SLC4A4: variants seen among roughly 807,000 people sequenced by gnomAD.
SLC4A4 encodes the protein electrogenic sodium bicarbonate cotransporter 1.
In SLC4A4, 27 loss-of-function variants were observed where a neutral mutation model predicts 111.5. The ratio of observed to expected loss-of-function variants is 0.24; its 90% CI spans 0.18 to 0.33. The LOEUF (loss-of-function observed/expected upper bound fraction) is 0.33. SLC4A4 is among the 10% of genes least tolerant of loss of function. The pLI is 1.00. For missense variants in SLC4A4, 909 were observed against 1,315.5 expected (o/e 0.69, Z 4.78); for synonymous variants, 443 against 463.4 (o/e 0.96, Z 0.57).
chr4:71,147,739 G>A (rs1411184980), intron 2 of SLC4A4, among the ~76,000 whole-genome samples: 2 of 152,088 alleles, frequency 1.3e-5, no homozygotes, highest in Non-Finnish European at 2.9e-5. Flanking sequence ...GTCTTTCTGA[G>A]GAGGGGTCCT....
At chr4:71,367,751 A>G (rs1397841752) in intron 6 of SLC4A4, among the ~76,000 whole-genome samples, 5 of 152,244 alleles carry the variant, frequency 3.3e-5, no homozygotes, top group Non-Finnish European at 5.9e-5. Flanking sequence ...GTGCTGGCAC[A>G]GATGGCCTGC....
At chr4:71,196,259 T>A (rs1032541939) in intron 1 of SLC4A4, among the ~76,000 whole-genome samples, 1 of 152,210 alleles carries the variant, frequency 6.6e-6, no homozygotes, top group Non-Finnish European at 1.5e-5. Flanking sequence ...TAATTACAGT[T>A]GCTTTGGAAA....
intron 2 of SLC4A4, among the ~76,000 whole-genome samples, chr4:71,179,806 C>T (rs1745227402): frequency 6.6e-6 from 1 of 152,098 alleles, no homozygotes; most frequent in Admixed American, 6.5e-5. Context: ...AATGCCATCC[C>T]CATCAAGCTA....
At chr4:71,179,336 T>C (rs1438499973) in intron 2 of SLC4A4, among the ~76,000 whole-genome samples, 1 of 152,098 alleles carries the variant, frequency 6.6e-6, no homozygotes, top group Non-Finnish European at 1.5e-5. Flanking sequence ...TTCAACATAG[T>C]GTTGGAAGTT....
chr4:71,345,531 C>T (rs920743545), intron 4 of SLC4A4, among the ~76,000 whole-genome samples: 4 of 152,036 alleles, frequency 2.6e-5, no homozygotes, highest in Admixed American at 2.0e-4. Flanking sequence ...CAAACACAAG[C>T]CAACAAAGGA....
intron 17 of SLC4A4, among the ~76,000 whole-genome samples, chr4:71,533,951 G>T (rs1324341157): frequency 3.3e-5 from 5 of 151,798 alleles, no homozygotes; most frequent in Non-Finnish European, 7.4e-5. Context: ...TCCATTTTGA[G>T]TCCTTATCTT....
At chr4:71,113,764 T>C (rs1432825377) in intron 2 of SLC4A4, among the ~76,000 whole-genome samples, 1 of 152,144 alleles carries the variant, frequency 6.6e-6, no homozygotes, top group Admixed American at 6.5e-5. Flanking sequence ...AATTACTGGA[T>C]TGGTATCCAA....
Position 71,227,807 on chromosome 4 carries a change from C to A in SLC4A4, c.-1-8769C>A, listed in dbSNP as rs189038879. Among the ~76,000 whole-genome samples the A allele has an allele frequency of 7.2e-4, 109 of 152,228 alleles. 2 individuals are homozygous for A. In the East Asian group the frequency reaches 0.018, roughly 25 times the overall value. On this transcript the variant is annotated intron_variant, in intron 1 of 25. Coordinates refer to ENST00000264485, the MANE Select transcript of SLC4A4 (RefSeq NM_001098484.3). ...ACCTTTCTGATTTTCACACAAGAAG[C>A]CTTGAAGAAGGGTGATTGAAAGCTA...
chr4:71,492,922 T>G (rs552952854), intron 15 of SLC4A4, among the ~76,000 whole-genome samples: 1 of 152,080 alleles, frequency 6.6e-6, no homozygotes, highest in South Asian at 2.1e-4. Flanking sequence ...TACTTCCTTT[T>G]ACTGGGTTAT....
chr4:71,487,734 A>G (rs1407974234), intron 15 of SLC4A4, among the ~76,000 whole-genome samples: 1 of 151,614 alleles, frequency 6.6e-6, no homozygotes, highest in Non-Finnish European at 1.5e-5. Flanking sequence ...TAGAGTGCCC[A>G]TCTCTCAGGA....
intron 5 of SLC4A4, among the ~76,000 whole-genome samples, chr4:71,355,543 C>T (rs28409217): frequency 0.011 from 1,749 of 152,292 alleles, 35 homozygotes; most frequent in African/African-American, 0.04. Flanking sequence ...CTGCCTTGCC[C>T]AGACTCCCTA....
chr4:71,320,396 G>T (rs1193688394), intron 3 of SLC4A4, among the ~76,000 whole-genome samples: 1 of 151,902 alleles, frequency 6.6e-6, no homozygotes, highest in East Asian at 1.9e-4. Context: ...TCCTCTTGTG[G>T]ATTTTGGCTT....
At chr4:71,287,680 G>A (rs1251645900) in intron 3 of SLC4A4, among the ~76,000 whole-genome samples, 2 of 152,124 alleles carry the variant, frequency 1.3e-5, no homozygotes, top group Non-Finnish European at 2.9e-5. Context: ...CATTGATGCT[G>A]TATTTACTCT....
At chr4:71,331,340 A>C (rs1232962246) in intron 3 of SLC4A4, among the ~76,000 whole-genome samples, 2 of 152,242 alleles carry the variant, frequency 1.3e-5, no homozygotes, top group Non-Finnish European at 1.5e-5. Flanking sequence ...CCAAATGTCC[A>C]TGAATGATAG....
At chr4:71,468,034 G>A (rs889102858) in intron 13 of SLC4A4, among the ~76,000 whole-genome samples, 6 of 152,034 alleles carry the variant, frequency 3.9e-5, no homozygotes, top group Non-Finnish European at 5.9e-5. Context: ...AGGGAATGAG[G>A]ATTTAAAACC....
chr4:71,478,007 GA>G (rs1002347660), intron 14 of SLC4A4, among the ~76,000 whole-genome samples: 12 of 151,714 alleles, frequency 7.9e-5, no homozygotes, highest in Admixed American at 2.6e-4. Context: ...CAACAAACAT[GA>G]AAAAAAGTTC....
At chr4:71,150,782 A>AC (rs1744295771) in intron 2 of SLC4A4, among the ~76,000 whole-genome samples, 2 of 152,068 alleles carry the variant, frequency 1.3e-5, no homozygotes. Context: ...GTGTTCTGGG[A>AC]CCACTATCTC....
intron 2 of SLC4A4, among the ~76,000 whole-genome samples, chr4:71,116,109 G>T (rs1743238166): frequency 6.6e-6 from 1 of 152,128 alleles, no homozygotes; most frequent in Non-Finnish European, 1.5e-5. Context: ...TGGTCAGGCT[G>T]GTCTTGAATT....
At chr4:71,089,138 T>C (rs1244336638) in intron 1 of SLC4A4, among the ~76,000 whole-genome samples, 1 of 151,816 alleles carries the variant, frequency 6.6e-6, no homozygotes, top group Non-Finnish European at 1.5e-5. Flanking sequence ...TCTCACTTCA[T>C]TTCATTCATT....
Sources: gnomAD v4.1 joint callset for allele counts (sites outside exome capture counted in the v4.1 genomes callset) on GRCh38, gnomAD v4.1.1 for gene constraint, MANE v1.5 for transcripts, NCBI Gene and HGNC (gene_info 2026-07-23, HGNC 2026-07-21) for gene names.